RBFOX1: variants seen among roughly 807,000 people sequenced by gnomAD.
The protein encoded by RBFOX1 is RNA binding fox-1 homolog 1.
RBFOX1 carries 8 observed loss-of-function variants against 57.7 expected under a neutral mutation model. That is an observed-to-expected ratio of 0.14 (90% CI 0.08 to 0.25). The LOEUF (loss-of-function observed/expected upper bound fraction) is 0.25, where lower values mean the gene tolerates loss of function less well. Ranked by LOEUF, RBFOX1 falls within the 10% of genes least tolerant of loss-of-function variation. The pLI is 1.00. For missense variants in RBFOX1, 611 were observed against 548.5 expected (o/e 1.11, Z -1.14); for synonymous variants, 326 against 222.4 (o/e 1.47, Z -4.15).
chr16:7,289,215 G>C (rs141624363), intron 4 of RBFOX1, among the ~76,000 whole-genome samples: 2 of 152,178 alleles, frequency 1.3e-5, no homozygotes. Context: ...AAACACTAGA[G>C]TTGAGAGAGA....
chr16:6,047,062 C>T (rs11864276), intron 1 of RBFOX1, among the ~76,000 whole-genome samples: 12,154 of 152,154 alleles, frequency 0.08, 599 homozygotes, highest in African/African-American at 0.12. Context: ...GATATATTCT[C>T]GGACCCAAGG....
chr16:5,444,256 G>A (rs1163438538), intron 1 of RBFOX1, among the ~76,000 whole-genome samples: 1 of 152,198 alleles, frequency 6.6e-6, no homozygotes, highest in African/African-American at 2.4e-5. Flanking sequence ...CTGCAGATTG[G>A]CTGCCTTGCT....
chr16:6,157,919 A>G (rs149722900), intron 1 of RBFOX1, among the ~76,000 whole-genome samples: 142 of 152,268 alleles, frequency 9.3e-4, no homozygotes, highest in African/African-American at 3.3e-3. Flanking sequence ...ATTAGATCCT[A>G]TTGGATGGAT....
At chr16:7,393,322 T>G (rs1253507492) in intron 4 of RBFOX1, among the ~76,000 whole-genome samples, 1 of 152,228 alleles carries the variant, frequency 6.6e-6, no homozygotes, top group Non-Finnish European at 1.5e-5. Context: ...GGTACTTGAT[T>G]GGCAAGATGC....
chr16:5,530,925 TAAAAATATAAAAAAAAAAAAAAAAAAA>T (rs1567198856), intron 2 of RBFOX1, among the ~76,000 whole-genome samples: 1 of 49,314 alleles, frequency 2.0e-5, no homozygotes, highest in African/African-American at 7.1e-5. Flanking sequence ...CTGTCTCTAC[TAAAAATATAAAAAAAAAAAAAAAAAAA>T]AAAAAAAAAA....
chr16:6,129,405 A>G (rs1414250152), intron 1 of RBFOX1, among the ~76,000 whole-genome samples: 2 of 152,196 alleles, frequency 1.3e-5, no homozygotes, highest in Non-Finnish European at 2.9e-5. Context: ...ACAGTTTAAC[A>G]GTAGATTGAA....
At chr16:6,341,955 C>T (rs1370130174) in intron 2 of RBFOX1, among the ~76,000 whole-genome samples, 1 of 152,202 alleles carries the variant, frequency 6.6e-6, no homozygotes, top group African/African-American at 2.4e-5. Flanking sequence ...AACTGATTAG[C>T]AACCTTAATT....
intron 5 of RBFOX1, among the ~76,000 whole-genome samples, chr16:7,539,468 G>A (rs1356712920): frequency 6.6e-6 from 1 of 152,186 alleles, no homozygotes; most frequent in African/African-American, 2.4e-5. Flanking sequence ...AATATAAAGA[G>A]CGTATTTTTG....
intron 4 of RBFOX1, among the ~76,000 whole-genome samples, chr16:5,908,223 T>C (rs2058519633): frequency 6.9e-6 from 1 of 144,884 alleles, no homozygotes; most frequent in South Asian, 2.1e-4. Flanking sequence ...TATACATATA[T>C]ACACACATAT....
At chr16:7,173,725 G>C (rs1339459519) in intron 4 of RBFOX1, among the ~76,000 whole-genome samples, 2 of 152,174 alleles carry the variant, frequency 1.3e-5, no homozygotes, top group African/African-American at 4.8e-5. Flanking sequence ...CATCTGTAAA[G>C]AAACTAATTC....
At chr16:5,528,591 A>G (rs1196587936) in intron 2 of RBFOX1, among the ~76,000 whole-genome samples, 2 of 135,210 alleles carry the variant, frequency 1.5e-5, no homozygotes, top group African/African-American at 2.8e-5. Context: ...CCGATCCCCA[A>G]TTCATTCTCT....
At chr16:6,745,443 T>A (rs1328630735) in intron 3 of RBFOX1, among the ~76,000 whole-genome samples, 2 of 152,160 alleles carry the variant, frequency 1.3e-5, no homozygotes, top group African/African-American at 4.8e-5. Context: ...ATGAAAAGGA[T>A]ACTATATCAA....
chr16:6,198,165 G>A (rs1159263827), intron 1 of RBFOX1, among the ~76,000 whole-genome samples: 1 of 152,132 alleles, frequency 6.6e-6, no homozygotes, highest in Admixed American at 6.6e-5. Context: ...TCATCATTTG[G>A]CAGCCACTTA....
chr16:5,827,256 C>T (rs763806727), intron 3 of RBFOX1, among the ~76,000 whole-genome samples: 16 of 151,802 alleles, frequency 1.1e-4, no homozygotes, highest in East Asian at 3.9e-4. Context: ...AAAAATTAGC[C>T]GGGTGTGGTG....
At chr16:5,255,652 CCATT>C (rs1474029038) in intron 1 of RBFOX1, among the ~76,000 whole-genome samples, 2 of 151,592 alleles carry the variant, frequency 1.3e-5, no homozygotes, top group Admixed American at 1.3e-4. Flanking sequence ...ACTCAACCAT[CCATT>C]CATTCGTCCA....
chr16:7,253,499 C>T (rs1603449426), intron 4 of RBFOX1, among the ~76,000 whole-genome samples: 6 of 152,276 alleles, frequency 3.9e-5, no homozygotes, highest in Admixed American at 3.9e-4. Context: ...ACATCATTGA[C>T]CTTGTCATCA....
At chr16:6,363,576 C>G (rs1238150166) in intron 2 of RBFOX1, among the ~76,000 whole-genome samples, 1 of 152,164 alleles carries the variant, frequency 6.6e-6, no homozygotes, top group Non-Finnish European at 1.5e-5. Flanking sequence ...TTGTTTCTGG[C>G]AAGAATGAGT....
At chr16:6,182,790 G>T (rs906742198) in intron 1 of RBFOX1, among the ~76,000 whole-genome samples, 8 of 152,172 alleles carry the variant, frequency 5.3e-5, no homozygotes, top group Non-Finnish European at 1.0e-4. Context: ...TGAAACATAT[G>T]TGAATATAGT....
chr16:6,669,559 A>T (rs187367650), intron 3 of RBFOX1, among the ~76,000 whole-genome samples: 1 of 152,166 alleles, frequency 6.6e-6, no homozygotes, highest in Non-Finnish European at 1.5e-5. Context: ...TTTGATTTTC[A>T]TATACATTAT....
Sources: allele counts gnomAD v4.1 joint callset (sites outside exome capture counted in the v4.1 genomes callset), GRCh38; gene constraint gnomAD v4.1.1; transcripts MANE v1.5; gene names NCBI Gene and HGNC (gene_info 2026-07-23, HGNC 2026-07-21).